NELL2: variants seen among roughly 807,000 people sequenced by gnomAD.
The protein encoded by NELL2 is protein kinase C-binding protein NELL2.
NELL2 carries 41 observed loss-of-function variants against 109.6 expected under a neutral mutation model. That is an observed-to-expected ratio of 0.37 (90% CI 0.29 to 0.49). The LOEUF is 0.49. NELL2 is among the 20% of genes least tolerant of loss of function. NELL2 has a pLI of 0.98. For synonymous variants in NELL2, 355 were observed against 344.7 expected, an observed-to-expected ratio of 1.03 and a Z score of -0.33; for missense variants, 900 against 1,008.3, an observed-to-expected ratio of 0.89 and a Z score of 1.45.
intron 15 of NELL2, among the ~76,000 whole-genome samples, chr12:44,542,942 A>C (rs996186413): frequency 2.0e-5 from 3 of 152,104 alleles, no homozygotes; most frequent in Non-Finnish European, 2.9e-5. Flanking sequence ...AGGAAGAATA[A>C]TTTTCCTAGT....
intron 9 of NELL2, among the ~76,000 whole-genome samples, chr12:44,770,100 T>C (rs1349076157): frequency 2.0e-5 from 3 of 152,138 alleles, no homozygotes; most frequent in Non-Finnish European, 4.4e-5. Context: ...TTCTATAAAA[T>C]GGGAATAATG....
rs369390800 is a variant in NELL2, at chr12:44,864,493, T to C, written c.184+10732A>G. ...AGACAAAGTACATTATATAAAGAGA[T>C]AAATTTATCAAGAAGATATAACAAT... On this transcript the variant is annotated intron_variant, in intron 2 of 19. Transcript: ENST00000429094. 3.6e-4 allele frequency among the ~76,000 whole-genome samples: 55 copies of C among 152,248 alleles called. No homozygotes were observed. The East Asian group carries it at 7.5e-3, about 21-fold the overall frequency.
intron 12 of NELL2, among the ~76,000 whole-genome samples, chr12:44,674,381 T>G (rs1948239609): frequency 1.3e-5 from 2 of 152,030 alleles, no homozygotes; most frequent in Admixed American, 6.6e-5. Flanking sequence ...GGTTAATGAC[T>G]AAGAGTAGAG....
intron 2 of NELL2, among the ~76,000 whole-genome samples, chr12:44,852,193 C>T (rs182222250): frequency 6.4e-4 from 97 of 152,122 alleles, no homozygotes; most frequent in African/African-American, 2.1e-3. Context: ...CCTGAAATTC[C>T]GTATCTCAAT....
chr12:44,566,566 C>CACACACACACACACACAGAG lies in NELL2; in HGVS notation c.1664-33846_1664-33845insCTCTGTGTGTGTGTGTGTGT, dbSNP rs377368706. On this transcript the variant is annotated intron_variant, in intron 15 of 19. Transcript: ENST00000429094. ...ACACACACACACACACACACACACACAGAGTTTTATGAATAGCAATAGGAG... is the reference window on the plus strand; with the variant it reads ...ACACACACACACACACACACACACACACACACACACACACACAGAGAGAGTTTTATGAATAGCAATAGGAG... Among the ~76,000 whole-genome samples the CACACACACACACACACAGAG allele has an allele frequency of 4.9e-3, 673 of 138,460 alleles. 6 individuals carry two copies. Among genetic ancestry groups the CACACACACACACACACAGAG allele is most frequent in the African/African-American group, 0.016 (607 of 38,704 alleles). The allele number at this position is 138,460 out of a possible 152,430, so 90.8% of individuals were successfully genotyped here.
intron 1 of NELL2, among the ~76,000 whole-genome samples, chr12:44,895,923 T>C (rs1945588291): frequency 6.6e-6 from 1 of 152,202 alleles, no homozygotes; most frequent in Non-Finnish European, 1.5e-5. Flanking sequence ...CAATAAGCCA[T>C]AATTATATAC....
chr12:44,658,877 CAAAAAA>C (rs58696965), intron 13 of NELL2, among the ~76,000 whole-genome samples: 5 of 69,926 alleles, frequency 7.2e-5, no homozygotes, highest in African/African-American at 2.0e-4. Context: ...ACTCTGTCTC[CAAAAAA>C]AAAAAAAAAA....
At chr12:44,850,807 C>T (rs1356752035) in intron 2 of NELL2, among the ~76,000 whole-genome samples, 1 of 152,178 alleles carries the variant, frequency 6.6e-6, no homozygotes, top group Admixed American at 6.5e-5. Flanking sequence ...ATGGAATCTG[C>T]TCCCAAAGGG....
intron 13 of NELL2, among the ~76,000 whole-genome samples, chr12:44,616,034 T>C (rs939495462): frequency 1.1e-4 from 17 of 152,108 alleles, no homozygotes; most frequent in African/African-American, 3.6e-4. Context: ...ACACCTCCAA[T>C]GTCTGAGAGT....
intron 19 of NELL2, 36 bp from the exon 20 acceptor site, chr12:44,509,020 A>T (rs765034594): frequency 1.3e-5 from 21 of 1,560,784 alleles, no homozygotes; most frequent in Non-Finnish European, 1.8e-5. Context: ...AAACAGTATG[A>T]ATTTTTAAGC....
chr12:44,708,805 C>T (rs1489217372), intron 11 of NELL2, among the ~76,000 whole-genome samples: 1 of 152,092 alleles, frequency 6.6e-6, no homozygotes, highest in Non-Finnish European at 1.5e-5. Context: ...CAAGGCCCCA[C>T]TCCTATCAGT....
intron 13 of NELL2, among the ~76,000 whole-genome samples, chr12:44,642,323 A>T (rs1166370632): frequency 6.6e-6 from 1 of 152,234 alleles, no homozygotes; most frequent in Non-Finnish European, 1.5e-5. Flanking sequence ...GAGTCAAAGG[A>T]CGTGAATAAG....
At chr12:44,763,749 A>T (rs192271345) in intron 9 of NELL2, among the ~76,000 whole-genome samples, 1 of 152,306 alleles carries the variant, frequency 6.6e-6, no homozygotes, top group East Asian at 1.9e-4. Flanking sequence ...ACGAGGAAGG[A>T]TTAATGGGAG....
chr12:44,838,001 C>G lies in NELL2; in HGVS notation c.185-21865G>C, dbSNP rs112467447. ...ATGTGAACTATGGCCTTTGTGAAAC[C>G]TGCACGGGGGAATCCTTGATTGTAA... On this transcript the variant is annotated intron_variant, in intron 2 of 19. Coordinates refer to ENST00000429094, the MANE Select transcript of NELL2 (RefSeq NM_001145108.2). Among the ~76,000 whole-genome samples the G allele has an allele frequency of 5.3e-5, 8 of 152,272 alleles. No individual in the cohort carries two copies. The East Asian group carries it at 1.5e-3, about 29-fold the overall frequency.
chr12:44,647,562 G>C (rs1947138159), intron 13 of NELL2, among the ~76,000 whole-genome samples: 1 of 152,150 alleles, frequency 6.6e-6, no homozygotes, highest in Non-Finnish European at 1.5e-5. Context: ...TAGAAATGCA[G>C]ATGAAAAAAT....
chr12:44,846,902 T>C (rs547709377), intron 2 of NELL2, among the ~76,000 whole-genome samples: 3 of 152,350 alleles, frequency 2.0e-5, no homozygotes, highest in East Asian at 3.9e-4. Context: ...CCCATCCATA[T>C]ACTGTGGCAT....
chr12:44,590,871 T>C lies in NELL2; in HGVS notation c.1663+16298A>G, dbSNP rs556606848. On this transcript the variant is annotated intron_variant, in intron 15 of 19. Transcript: ENST00000429094. Reference sequence around the variant, plus strand: ...GAAGAAAAATCTTGCAAACTATTTATCCAAGGAATTAATATGCAGAATATA... The same window carrying C: ...GAAGAAAAATCTTGCAAACTATTTACCCAAGGAATTAATATGCAGAATATA... Among the ~76,000 whole-genome samples the C allele has an allele frequency of 1.5e-4, 22 of 150,148 alleles. No homozygotes were observed. In the South Asian group the frequency reaches 4.4e-3, roughly 30 times the overall value.
chr12:44,719,132 G>C (rs1057170271), intron 9 of NELL2, among the ~76,000 whole-genome samples: 5 of 152,138 alleles, frequency 3.3e-5, no homozygotes, highest in African/African-American at 1.2e-4. Flanking sequence ...CCCATTTTAA[G>C]AACATAAAAA....
chr12:44,588,795 A>T (rs1944638934), intron 15 of NELL2, among the ~76,000 whole-genome samples: 1 of 152,230 alleles, frequency 6.6e-6, no homozygotes. Context: ...CATTATCATT[A>T]TCTATTTCCA....
Sources: gnomAD v4.1 joint callset for allele counts (sites outside exome capture counted in the v4.1 genomes callset) on GRCh38, gnomAD v4.1.1 for gene constraint, MANE v1.5 for transcripts, NCBI Gene and HGNC (gene_info 2026-07-23, HGNC 2026-07-21) for gene names.